KDM4C: variants seen among roughly 807,000 people sequenced by gnomAD.
KDM4C encodes lysine demethylase 4C.
KDM4C carries 81 observed loss-of-function variants against 129.3 expected under a neutral mutation model. The ratio of observed to expected loss-of-function variants is 0.63; its 90% CI spans 0.52 to 0.75. The LOEUF (loss-of-function observed/expected upper bound fraction) is 0.75, where lower values mean the gene tolerates loss of function less well. KDM4C is among the 30% of genes least tolerant of loss of function. KDM4C has a pLI of 0.00. For missense variants in KDM4C, 1,457 were observed against 1,304.0 expected (o/e 1.12, Z -1.81); for synonymous variants, 573 against 456.1 (o/e 1.26, Z -3.26).
At chr9:7,068,337 G>A (rs547937675) in intron 17 of KDM4C, among the ~76,000 whole-genome samples, 37 of 152,090 alleles carry the variant, frequency 2.4e-4, no homozygotes, top group East Asian at 5.8e-4. Flanking sequence ...CTTATTTTCC[G>A]CACTTAGAAG....
At chr9:6,992,020 T>TC (rs974770155) in intron 12 of KDM4C, among the ~76,000 whole-genome samples, 1 of 52,024 alleles carries the variant, frequency 1.9e-5, no homozygotes, top group Non-Finnish European at 5.2e-5. Flanking sequence ...GTTCTTTTTC[T>TC]TTTTTTTTTG....
chr9:7,036,913 C>G (rs1046418588), intron 15 of KDM4C, among the ~76,000 whole-genome samples: 3 of 152,168 alleles, frequency 2.0e-5, no homozygotes, highest in Non-Finnish European at 2.9e-5. Flanking sequence ...CTTGCCAGTA[C>G]AGAATTCATT....
intron 15 of KDM4C, among the ~76,000 whole-genome samples, chr9:7,025,904 T>C (rs1338532409): frequency 1.3e-5 from 2 of 152,192 alleles, no homozygotes; most frequent in African/African-American, 4.8e-5. Flanking sequence ...TCCTTTTCTT[T>C]CTGATTGAAA....
intron 19 of KDM4C, among the ~76,000 whole-genome samples, chr9:7,163,635 C>G (rs2130390320): frequency 6.6e-6 from 1 of 152,190 alleles, no homozygotes; most frequent in African/African-American, 2.4e-5. Context: ...GAGACTGACG[C>G]ATGTAATCAG....
chr9:6,778,628 G>A lies in KDM4C; in HGVS notation c.-17-14344G>A, dbSNP rs556583277. 2.6e-5 allele frequency among the ~76,000 whole-genome samples: 4 copies of A among 151,786 alleles called. No homozygotes were observed. The East Asian group carries it at 6.1e-4, about 23-fold the overall frequency. On this transcript the variant is annotated intron_variant, in intron 1 of 21. Coordinates refer to ENST00000381309, the MANE Select transcript of KDM4C (RefSeq NM_015061.6). The stretch of plus-strand genomic sequence containing the variant: ...CTAAAAATACAAAAATTAGCGGGGC[G>A]TGGTGGCACATGCCTGTAATCCCAG...
At chr9:6,936,492 A>C (rs7846833) in intron 8 of KDM4C, among the ~76,000 whole-genome samples, 8,593 of 152,308 alleles carry the variant, frequency 0.056, 301 homozygotes, top group East Asian at 0.14. Flanking sequence ...GTGAAGTCTT[A>C]GTCACTTTTG....
At chr9:6,813,721 C>T (rs540731723) in intron 3 of KDM4C, among the ~76,000 whole-genome samples, 6 of 152,102 alleles carry the variant, frequency 3.9e-5, no homozygotes, top group Non-Finnish European at 7.4e-5. Context: ...AAGTGCTTTT[C>T]TGTAATTTCT....
At chr9:7,168,361 C>A (rs775154394) in intron 20 of KDM4C, among the ~76,000 whole-genome samples, 7 of 151,874 alleles carry the variant, frequency 4.6e-5, no homozygotes, top group Non-Finnish European at 1.0e-4. Context: ...TCAAAAATAC[C>A]ATGTGGTTCA....
At chr9:6,816,362 C>T (rs1284521240) in intron 4 of KDM4C, among the ~76,000 whole-genome samples, 1 of 152,142 alleles carries the variant, frequency 6.6e-6, no homozygotes, top group Non-Finnish European at 1.5e-5. Context: ...ACATTACCAG[C>T]ACCGTAGAAT....
intron 17 of KDM4C, among the ~76,000 whole-genome samples, chr9:7,057,961 A>G (rs994415844): frequency 1.3e-5 from 2 of 152,200 alleles, no homozygotes; most frequent in Non-Finnish European, 2.9e-5. Context: ...TAAAAATGCC[A>G]TTTCCTTGCA....
intron 8 of KDM4C, among the ~76,000 whole-genome samples, chr9:6,906,705 G>A (rs1240264904): frequency 6.6e-6 from 1 of 152,190 alleles, no homozygotes. Context: ...GCCTCCCCAA[G>A]TGCTGGAATT....
At chr9:6,813,116 A>T (rs1400217902) in intron 3 of KDM4C, among the ~76,000 whole-genome samples, 1 of 152,184 alleles carries the variant, frequency 6.6e-6, no homozygotes, top group Non-Finnish European at 1.5e-5. Flanking sequence ...CGGAGGTTTC[A>T]GTGAGCCGAG....
At chr9:6,732,938 A>G (rs2988410) in intron 1 of KDM4C, among the ~76,000 whole-genome samples, 87,589 of 152,024 alleles carry the variant, frequency 0.58, 25,649 homozygotes, top group African/African-American at 0.69. Flanking sequence ...GCTTGAAACC[A>G]GGAGGTGGAG....
At chr9:7,094,334 C>T (rs1477882836) in intron 17 of KDM4C, among the ~76,000 whole-genome samples, 1 of 151,478 alleles carries the variant, frequency 6.6e-6, no homozygotes. Context: ...AAAGGAATTT[C>T]TTTTTTTTTA....
At chr9:6,824,606 C>G (rs1299963355) in intron 4 of KDM4C, among the ~76,000 whole-genome samples, 1 of 149,942 alleles carries the variant, frequency 6.7e-6, no homozygotes, top group Non-Finnish European at 1.5e-5. Flanking sequence ...GAAATTAAGG[C>G]CGGGCGTGGT....
chr9:6,767,436 C>T (rs950187514), intron 1 of KDM4C, among the ~76,000 whole-genome samples: 31 of 149,484 alleles, frequency 2.1e-4, no homozygotes, highest in Admixed American at 6.7e-4. Context: ...CCACCATGCA[C>T]GGCCCCCTTT....
chr9:6,758,229 G>A lies in KDM4C; in HGVS notation c.-18+26G>A. On this transcript the variant is annotated intron_variant, in intron 1 of 21. Transcript: ENST00000381309. This position sits in a 1 kb window ranked among gnomAD's most constrained non-coding sequence, Gnocchi z 4.6. The stretch of plus-strand genomic sequence containing the variant: ...GTAACCGCTTTTCCGGAGTCTGGGG[G>A]CCAGGGCGGGGGGAGGGTCCGGAGA... 2.0e-6 allele frequency: 2 copies of A among 984,352 alleles called. No homozygotes were observed. Among genetic ancestry groups the A allele is most frequent in the South Asian group, 4.7e-5 (1 of 21,256 alleles). The allele number at this position is 984,352 out of a possible 1,614,324, so 61.0% of individuals were successfully genotyped here.
intron 1 of KDM4C, among the ~76,000 whole-genome samples, chr9:6,779,925 G>A (rs1293055362): frequency 6.6e-6 from 1 of 152,104 alleles, no homozygotes; most frequent in Non-Finnish European, 1.5e-5. Flanking sequence ...TAACCTGAGT[G>A]GCTCAAAATT....
intron 1 of KDM4C, among the ~76,000 whole-genome samples, chr9:6,791,404 C>A (rs138470423): frequency 5.9e-5 from 9 of 152,306 alleles, no homozygotes; most frequent in African/African-American, 1.9e-4. Flanking sequence ...TCACTCCCAG[C>A]CCTTGTGTAC....
Sources: allele counts gnomAD v4.1 joint callset (sites outside exome capture counted in the v4.1 genomes callset), GRCh38; gene constraint gnomAD v4.1.1; non-coding constraint Gnocchi (gnomAD v3.1); transcripts MANE v1.5; gene names NCBI Gene and HGNC (gene_info 2026-07-23, HGNC 2026-07-21).